ST3GAL5: variants seen among roughly 807,000 people sequenced by gnomAD.
ST3GAL5 encodes lactosylceramide alpha-2,3-sialyltransferase.
Under a neutral mutation model 46.1 loss-of-function variants are expected in ST3GAL5, and 25 were observed. The observed-to-expected ratio is 0.54, with a 90% CI of 0.40 to 0.76. The LOEUF (loss-of-function observed/expected upper bound fraction) is 0.76, where lower values mean the gene tolerates loss of function less well. Among genes scored for constraint, ST3GAL5 ranks in the 30% least tolerant of loss-of-function variants. ST3GAL5 has a pLI of 0.00. For missense variants in ST3GAL5, 431 were observed against 521.2 expected (o/e 0.83, Z 1.69); for synonymous variants, 182 against 192.7 (o/e 0.94, Z 0.46).
intron 1 of ST3GAL5, among the ~76,000 whole-genome samples, chr2:85,885,705 G>A (rs769915858): frequency 1.3e-5 from 2 of 152,064 alleles, no homozygotes; most frequent in Non-Finnish European, 2.9e-5. Context: ...GCAGGCGCCT[G>A]TAGTCCCAGC....
rs186606488 is a variant in ST3GAL5 at position 85,847,658 on chromosome 2, C to T, written c.662+203G>A. 3,086 of 1,322,324 alleles carry T rather than the reference C, an allele frequency of 2.3e-3. 9 individuals are homozygous for T. The highest frequency in any genetic ancestry group is 3.3e-3 in the Admixed American group (110 of 33,384). The allele number at this position is 1,322,324 out of a possible 1,614,324, so 81.9% of individuals were successfully genotyped here. A position where few individuals can be genotyped will look rare whatever the true frequency, so the allele number is the denominator to read the frequency against. The stretch of plus-strand genomic sequence containing the variant: ...CTAAAAATATAAAAAATTAGCCACG[C>T]GTGGTGTGTGCCTGGGGTCCCAGCT... On this transcript the variant is annotated intron_variant, in intron 4 of 6. Coordinates refer to ENST00000638572, the MANE Select transcript of ST3GAL5 (RefSeq NM_003896.4).
chr2:85,855,789 T>C (rs539312878), intron 3 of ST3GAL5: 4 of 152,268 alleles, frequency 2.6e-5, no homozygotes, highest in Admixed American at 2.6e-4. Context: ...GGGCAAAGGA[T>C]CTGAATGGGC....
chr2:85,850,136 G>A (rs368148178), intron 3 of ST3GAL5: 3 of 152,028 alleles, frequency 2.0e-5, no homozygotes, highest in Non-Finnish European at 2.9e-5. Context: ...GTTAGCATCC[G>A]TGAAGAGAAC....
chr2:85,864,945 G>C (rs972703409), intron 1 of ST3GAL5, among the ~76,000 whole-genome samples: 1 of 152,192 alleles, frequency 6.6e-6, no homozygotes, highest in African/African-American at 2.4e-5. Flanking sequence ...GGCTTCTCCT[G>C]TATCCCCTCT....
At chr2:85,851,398 G>C in intron 3 of ST3GAL5, 1 of 1,192,540 alleles carries the variant, frequency 8.4e-7, no homozygotes, top group Non-Finnish European at 1.1e-6. Flanking sequence ...TCGTTTAACA[G>C]ATCTCCACTG....
At chr2:85,863,078 AG>A (rs1684895274) in intron 2 of ST3GAL5, among the ~76,000 whole-genome samples, 2 of 152,238 alleles carry the variant, frequency 1.3e-5, no homozygotes, top group Admixed American at 6.5e-5. Flanking sequence ...GGGCATGAAG[AG>A]CAGTGCACGG....
At chr2:85,867,468 T>G (rs182820199) in intron 1 of ST3GAL5, 2 of 702,052 alleles carry the variant, frequency 2.8e-6, no homozygotes, top group East Asian at 2.7e-5. Flanking sequence ...CATCTACACA[T>G]GTAGTTACCT....
At chr2:85,873,136 G>C (rs1387201399) in intron 1 of ST3GAL5, among the ~76,000 whole-genome samples, 2 of 152,110 alleles carry the variant, frequency 1.3e-5, no homozygotes, top group African/African-American at 4.8e-5. Flanking sequence ...ACTAGAACAC[G>C]GGTGTCCCCT....
Position 85,888,805 on chromosome 2 carries a change from A to G in ST3GAL5, c.82+19T>C, listed in dbSNP as rs2104281541. 1.7e-6 allele frequency: 2 copies of G among 1,204,722 alleles called. No homozygotes were observed. Among genetic ancestry groups the G allele is most frequent in the Non-Finnish European group, 1.0e-6 (1 of 971,974 alleles). The allele number at this position is 1,204,722 out of a possible 1,614,324, so 74.6% of individuals were successfully genotyped here. On this transcript the variant is annotated intron_variant, in intron 1 of 6. Coordinates refer to ENST00000638572, the MANE Select transcript of ST3GAL5 (RefSeq NM_003896.4). ...CCCGCGGGCCCCCGCGACGCCGAGG[A>G]GGGGGCTGCGCCACGTACCTCGGCC...
chr2:85,857,063 T>G (rs1684194303), intron 3 of ST3GAL5, among the ~76,000 whole-genome samples: 1 of 75,570 alleles, frequency 1.3e-5, no homozygotes, highest in African/African-American at 5.8e-5. Context: ...ACCCTGCCTC[T>G]ACCAAAAAAA....
At chr2:85,852,816 T>C (rs1683671917) in intron 3 of ST3GAL5, 1 of 1,230,426 alleles carries the variant, frequency 8.1e-7, no homozygotes, top group Non-Finnish European at 1.1e-6. Flanking sequence ...AGCGTCGTCT[T>C]TGTTAAAGCA....
intron 3 of ST3GAL5, among the ~76,000 whole-genome samples, chr2:85,859,328 T>G (rs1573637401): frequency 6.6e-6 from 1 of 152,220 alleles, no homozygotes; most frequent in East Asian, 1.9e-4. Flanking sequence ...CCATACCAAG[T>G]GCCATCATTT....
At chr2:85,853,064 C>T (rs768951958) in intron 3 of ST3GAL5, 58 of 1,304,082 alleles carry the variant, frequency 4.4e-5, no homozygotes, top group South Asian at 8.6e-5. Flanking sequence ...ATTAACTGCA[C>T]GCAATGCCAT....
At chr2:85,888,991 G>T (rs1314558026), upstream of ST3GAL5, 2 of 1,049,896 alleles carry the variant, frequency 1.9e-6, no homozygotes, top group Non-Finnish European at 2.4e-6. Flanking sequence ...CCATTCAGCT[G>T]GGGGCCGCCG....
At chr2:85,841,034 AAAAAT>A (rs1682009149) in intron 6 of ST3GAL5, among the ~76,000 whole-genome samples, 1 of 150,692 alleles carries the variant, frequency 6.6e-6, no homozygotes, top group African/African-American at 2.4e-5. Flanking sequence ...CATTAAAAAA[AAAAAT>A]AAAAAAAAAA....
chr2:85,876,485 A>T (rs1686590417), intron 1 of ST3GAL5, among the ~76,000 whole-genome samples: 1 of 111,628 alleles, frequency 9.0e-6, no homozygotes, highest in African/African-American at 3.4e-5. Flanking sequence ...TTTTTTTGAG[A>T]CGGAGTCTCA....
intron 3 of ST3GAL5, chr2:85,853,018 A>C: frequency 7.7e-7 from 1 of 1,303,432 alleles, no homozygotes; most frequent in Non-Finnish European, 1.0e-6. Context: ...GTCCGAGAGA[A>C]GACGATGAAG....
intron 1 of ST3GAL5, chr2:85,867,714 A>G: frequency 1.3e-6 from 1 of 773,540 alleles, no homozygotes; most frequent in Admixed American, 1.7e-5. Context: ...ATACTGAAGG[A>G]ATGTATAGGA....
At chr2:85,842,165 A>G (rs1410195869) in intron 6 of ST3GAL5, among the ~76,000 whole-genome samples, 4 of 152,152 alleles carry the variant, frequency 2.6e-5, no homozygotes, top group Non-Finnish European at 5.9e-5. Context: ...CTCAAAGCCA[A>G]CCTCACCTGT....
Sources: gnomAD v4.1 joint callset for allele counts (sites outside exome capture counted in the v4.1 genomes callset) on GRCh38, gnomAD v4.1.1 for gene constraint, MANE v1.5 for transcripts, NCBI Gene and HGNC (gene_info 2026-07-23, HGNC 2026-07-21) for gene names.